ARHGAP24: variants seen among roughly 807,000 people sequenced by gnomAD.
ARHGAP24 encodes the protein rho GTPase-activating protein 24.
ARHGAP24 carries 50 observed loss-of-function variants against 76.4 expected under a neutral mutation model. The observed-to-expected ratio is 0.65, with a 90% CI of 0.52 to 0.83. ARHGAP24 has a LOEUF of 0.83. Ranked by LOEUF, ARHGAP24 falls within the 40% of genes least tolerant of loss-of-function variation. The pLI is 0.00. For synonymous variants in ARHGAP24, 345 were observed against 323.3 expected (o/e 1.07, Z -0.72); for missense variants, 930 against 914.2 (o/e 1.02, Z -0.22).
chr4:85,877,359 T>A (rs1218422064), intron 3 of ARHGAP24, among the ~76,000 whole-genome samples: 1 of 152,190 alleles, frequency 6.6e-6, no homozygotes, highest in Non-Finnish European at 1.5e-5. Flanking sequence ...ATGCAGCAGC[T>A]CACTCCTGTA....
At chr4:85,846,465 A>G (rs1730891067) in intron 3 of ARHGAP24, among the ~76,000 whole-genome samples, 1 of 152,208 alleles carries the variant, frequency 6.6e-6, no homozygotes, top group Admixed American at 6.5e-5. Flanking sequence ...ATTGCAGTAA[A>G]ATAAGTCAAA....
intron 3 of ARHGAP24, among the ~76,000 whole-genome samples, chr4:85,844,525 C>T (rs1730768424): frequency 6.6e-6 from 1 of 152,194 alleles, no homozygotes; most frequent in African/African-American, 2.4e-5. Flanking sequence ...TTCACACATA[C>T]ATACAAACAC....
intron 2 of ARHGAP24, among the ~76,000 whole-genome samples, chr4:85,614,780 T>C (rs796904033): frequency 1.1e-4 from 17 of 152,192 alleles, no homozygotes; most frequent in African/African-American, 4.1e-4. Context: ...TCACATTAAT[T>C]CCTTTTGATA....
intron 2 of ARHGAP24, among the ~76,000 whole-genome samples, chr4:85,717,604 C>T (rs1350923752): frequency 1.3e-5 from 2 of 152,078 alleles, no homozygotes; most frequent in Non-Finnish European, 2.9e-5. Context: ...GTACTCTGCA[C>T]ATATGGTTCT....
intron 3 of ARHGAP24, among the ~76,000 whole-genome samples, chr4:85,883,518 C>T (rs1733378158): frequency 6.6e-6 from 1 of 152,140 alleles, no homozygotes; most frequent in South Asian, 2.1e-4. Context: ...ACCAGAGAGT[C>T]ATCCAGTTCT....
At chr4:85,817,116 G>A (rs1017594874) in intron 3 of ARHGAP24, among the ~76,000 whole-genome samples, 3 of 151,948 alleles carry the variant, frequency 2.0e-5, no homozygotes, top group Admixed American at 6.6e-5. Context: ...TTAAAATTGA[G>A]TCATTTGTTT....
intron 1 of ARHGAP24, among the ~76,000 whole-genome samples, chr4:85,486,043 AT>A (rs1723039165): frequency 6.6e-6 from 1 of 152,104 alleles, no homozygotes; most frequent in Admixed American, 6.6e-5. Context: ...ATTTAGAATA[AT>A]TTTGATAAGA....
At chr4:85,576,663 G>A (rs759591632) in intron 2 of ARHGAP24, among the ~76,000 whole-genome samples, 7 of 152,200 alleles carry the variant, frequency 4.6e-5, no homozygotes, top group Non-Finnish European at 8.8e-5. Flanking sequence ...CACTAAGATG[G>A]TACTGTGTGT....
intron 2 of ARHGAP24, among the ~76,000 whole-genome samples, chr4:85,676,060 A>G (rs964173747): frequency 1.3e-5 from 2 of 152,212 alleles, no homozygotes; most frequent in Non-Finnish European, 2.9e-5. Context: ...TAAATAATTG[A>G]TAATGATGAT....
chr4:85,945,109 G>A (rs1560736386), intron 5 of ARHGAP24, among the ~76,000 whole-genome samples: 2 of 152,102 alleles, frequency 1.3e-5, no homozygotes, highest in Admixed American at 1.3e-4. Flanking sequence ...GCCTCCCAAA[G>A]TGCTGGGATT....
At chr4:85,912,931 A>G (rs1300836001) in intron 3 of ARHGAP24, among the ~76,000 whole-genome samples, 1 of 152,082 alleles carries the variant, frequency 6.6e-6, no homozygotes, top group Non-Finnish European at 1.5e-5. Context: ...GAAAGCGATT[A>G]TATGGATTGT....
intron 2 of ARHGAP24, among the ~76,000 whole-genome samples, chr4:85,587,290 G>C (rs903798334): frequency 6.6e-6 from 1 of 152,156 alleles, no homozygotes; most frequent in Non-Finnish European, 1.5e-5. Context: ...AGAGAAGGCC[G>C]AATGATGTCG....
At chr4:85,809,774 G>A (rs781205165) in intron 3 of ARHGAP24, among the ~76,000 whole-genome samples, 2 of 152,188 alleles carry the variant, frequency 1.3e-5, no homozygotes, top group Non-Finnish European at 2.9e-5. Context: ...AGGGGTAGAT[G>A]TCCAGGACAG....
intron 4 of ARHGAP24, among the ~76,000 whole-genome samples, chr4:85,932,891 C>T (rs571078871): frequency 3.2e-4 from 49 of 152,238 alleles, no homozygotes; most frequent in Non-Finnish European, 6.2e-4. Flanking sequence ...GGAGCACGAG[C>T]GCTCAGCTGC....
intron 3 of ARHGAP24, among the ~76,000 whole-genome samples, chr4:85,889,425 T>C (rs1733757117): frequency 6.6e-6 from 1 of 152,228 alleles, no homozygotes; most frequent in Non-Finnish European, 1.5e-5. Flanking sequence ...ATAACATATT[T>C]AGGGAGAAGT....
intron 2 of ARHGAP24, among the ~76,000 whole-genome samples, chr4:85,664,745 TA>T (rs1301184411): frequency 1.3e-5 from 2 of 151,946 alleles, no homozygotes; most frequent in Non-Finnish European, 2.9e-5. Context: ...AGAACATCTT[TA>T]TTTCTGCCTT....
chr4:85,625,282 C>T lies in ARHGAP24; in HGVS notation c.180+54561C>T, dbSNP rs564685391. ...TTCTGGTACGTTGTGTCTTTGTTCT[C>T]GTTGGTTTCAAAGAACATCATTATT... is the stretch of plus-strand genomic sequence containing the variant. On this transcript the variant is annotated intron_variant, in intron 2 of 9. Transcript: ENST00000395184. Among the ~76,000 whole-genome samples, 161 of 152,154 alleles carry T rather than the reference C, an allele frequency of 1.1e-3. 1 individual carries two copies. Among genetic ancestry groups the T allele is most frequent in the African/African-American group, 3.3e-3 (138 of 41,486 alleles).
chr4:85,772,412 A>T (rs1282235689), intron 3 of ARHGAP24, among the ~76,000 whole-genome samples: 1 of 152,242 alleles, frequency 6.6e-6, no homozygotes, highest in African/African-American at 2.4e-5. Context: ...ACTTTAAAAC[A>T]AATCTCGGCA....
intron 3 of ARHGAP24, among the ~76,000 whole-genome samples, chr4:85,796,577 G>A (rs950456685): frequency 6.6e-6 from 1 of 152,126 alleles, no homozygotes; most frequent in African/African-American, 2.4e-5. Flanking sequence ...GAGAGAAACC[G>A]CATAGTAATT....
Sources: gnomAD v4.1 joint callset for allele counts (sites outside exome capture counted in the v4.1 genomes callset) on GRCh38, gnomAD v4.1.1 for gene constraint, MANE v1.5 for transcripts, NCBI Gene and HGNC (gene_info 2026-07-23, HGNC 2026-07-21) for gene names.